Variants in KSR1 observed in about 807,000 individuals in gnomAD.
The protein encoded by KSR1 is kinase suppressor of ras 1, also known as kinase suppressor of ras.
Under a neutral mutation model 92.9 loss-of-function variants are expected in KSR1, and 35 were observed. The observed-to-expected ratio is 0.38, with a 90% CI of 0.29 to 0.50. The LOEUF is 0.50. Ranked by LOEUF, KSR1 falls within the 20% of genes least tolerant of loss-of-function variation. The pLI, the probability that KSR1 is intolerant of heterozygous loss-of-function variation, is 0.94. For synonymous variants in KSR1, 467 were observed against 472.6 expected (o/e 0.99, Z 0.15); for missense variants, 972 against 1,158.5 (o/e 0.84, Z 2.34).
intron 1 of KSR1, among the ~76,000 whole-genome samples, chr17:27,541,394 A>G (rs2070957709): frequency 6.6e-6 from 1 of 152,236 alleles, no homozygotes; most frequent in African/African-American, 2.4e-5. Context: ...AATGAATTTA[A>G]TGCTGGCTTA....
chr17:27,595,714 T>A (rs1196040735), intron 9 of KSR1, among the ~76,000 whole-genome samples: 1 of 145,048 alleles, frequency 6.9e-6, no homozygotes, highest in African/African-American at 2.6e-5. Flanking sequence ...TTTGCCCCCC[T>A]TTTCCATTTC....
At chr17:27,601,306 C>G (rs2073548555) in intron 10 of KSR1, 54 bp from the exon 11 acceptor site, 2 of 1,510,434 alleles carry the variant, frequency 1.3e-6, no homozygotes, top group South Asian at 2.3e-5. Context: ...TTCCGCTCCT[C>G]CCTCCTGCGT....
intron 1 of KSR1, among the ~76,000 whole-genome samples, chr17:27,464,798 CT>C (rs1374448519): frequency 6.6e-6 from 1 of 151,460 alleles, no homozygotes. Flanking sequence ...TGTAAAAATT[CT>C]TTACAATTGC....
At chr17:27,555,217 G>C (rs1433564389) in intron 2 of KSR1, among the ~76,000 whole-genome samples, 1 of 152,186 alleles carries the variant, frequency 6.6e-6, no homozygotes, top group Non-Finnish European at 1.5e-5. Context: ...CCTCCCTTAG[G>C]ATTGGGGGGT....
chr17:27,481,261 G>T (rs1171682689), intron 1 of KSR1, among the ~76,000 whole-genome samples: 1 of 152,058 alleles, frequency 6.6e-6, no homozygotes. Context: ...GCTAGGTTGG[G>T]AGGCTGTAGA....
At chr17:27,573,800 T>C (rs1475094383) in intron 2 of KSR1, among the ~76,000 whole-genome samples, 1 of 152,194 alleles carries the variant, frequency 6.6e-6, no homozygotes, top group Non-Finnish European at 1.5e-5. Context: ...CTCAGTAAGA[T>C]GGACTTAACT....
intron 1 of KSR1, among the ~76,000 whole-genome samples, chr17:27,464,481 C>G (rs1182133015): frequency 2.6e-5 from 4 of 152,094 alleles, no homozygotes; most frequent in Non-Finnish European, 4.4e-5. Flanking sequence ...TGGCTCACAC[C>G]TGTAATCCTA....
At chr17:27,535,257 A>C (rs1231699095) in intron 1 of KSR1, among the ~76,000 whole-genome samples, 1 of 152,200 alleles carries the variant, frequency 6.6e-6, no homozygotes, top group Admixed American at 6.5e-5. Context: ...TGAGGATCAG[A>C]TGAGGTGCTG....
rs1597853426 is a variant in KSR1, at chr17:27,482,045, G to A, written c.231+25171G>A. On this transcript the variant is annotated intron_variant, in intron 1 of 20. Transcript: ENST00000644974. ...CTCTGAATGTTTTTGAGGGTTAAAT[G>A]TTATAGCGCATGCCAGCTGCTTAGT... Among the ~76,000 whole-genome samples, 4 of 152,278 alleles carry A rather than the reference G, an allele frequency of 2.6e-5. No individual in the cohort carries two copies. The East Asian group carries it at 7.7e-4, about 29-fold the overall frequency.
chr17:27,547,717 T>G (rs751137756), intron 1 of KSR1, among the ~76,000 whole-genome samples: 9 of 152,028 alleles, frequency 5.9e-5, no homozygotes, highest in Non-Finnish European at 8.8e-5. Context: ...TATATTTTTC[T>G]TTTTTTTCTT....
intron 1 of KSR1, among the ~76,000 whole-genome samples, chr17:27,493,298 T>C (rs1419791346): frequency 6.6e-6 from 1 of 152,228 alleles, no homozygotes; most frequent in Non-Finnish European, 1.5e-5. Context: ...CAGTCTTAGT[T>C]ATTAATGTAA....
intron 10 of KSR1, among the ~76,000 whole-genome samples, chr17:27,600,060 A>G (rs1016409163): frequency 7.3e-5 from 11 of 151,126 alleles, no homozygotes; most frequent in African/African-American, 2.4e-4. Flanking sequence ...TACCTCCTGA[A>G]GGACCTGCCT....
At chr17:27,596,457 G>A (rs757999085) in intron 9 of KSR1, among the ~76,000 whole-genome samples, 6 of 152,210 alleles carry the variant, frequency 3.9e-5, no homozygotes, top group Admixed American at 6.5e-5. Flanking sequence ...CATTAGCAGG[G>A]GGAGCATGCT....
chr17:27,584,818 G>C (rs1427037040), intron 4 of KSR1, among the ~76,000 whole-genome samples: 1 of 152,202 alleles, frequency 6.6e-6, no homozygotes, highest in African/African-American at 2.4e-5. Context: ...AGGGGCAGTG[G>C]CTGCCCCCTG....
intron 1 of KSR1, among the ~76,000 whole-genome samples, chr17:27,462,076 G>T (rs1426387574): frequency 3.3e-5 from 5 of 152,204 alleles, no homozygotes; most frequent in Non-Finnish European, 1.5e-5. Context: ...TTAGGGGAAT[G>T]ATCTTGGAGT....
chr17:27,462,762 T>G (rs891383234), intron 1 of KSR1, among the ~76,000 whole-genome samples: 1 of 152,250 alleles, frequency 6.6e-6, no homozygotes, highest in African/African-American at 2.4e-5. Flanking sequence ...ACAGTGAAAA[T>G]CACCCATAAT....
Position 27,588,549 on chromosome 17 carries a change from G to A in KSR1, c.1046+14G>A. ...GGTGACGCACAGGTAGGCACAGCGGGCCTGGAGGGGGAGCAGGGCACAGCC... is the reference window on the plus strand; with the variant it reads ...GGTGACGCACAGGTAGGCACAGCGGACCTGGAGGGGGAGCAGGGCACAGCC... On this transcript the variant is annotated intron_variant, in intron 6 of 20. Transcript: ENST00000644974. The A allele has an allele frequency of 6.3e-7, 1 of 1,584,206 alleles. No individual in the cohort carries two copies. Among genetic ancestry groups the A allele is most frequent in the Non-Finnish European group, 8.6e-7 (1 of 1,165,654 alleles).
chr17:27,588,584 C>A (rs756508044), intron 6 of KSR1, 49 bp downstream of exon 6: 1 of 1,506,394 alleles, frequency 6.6e-7, no homozygotes, highest in South Asian at 1.3e-5. Flanking sequence ...CGGGCTGGTA[C>A]CCAGATGGGG....
rs780065026 is a variant in KSR1, at chr17:27,583,073, G to T, written c.948G>T (p.Leu316=). 1.1e-4 allele frequency: 171 copies of T among 1,590,116 alleles called. No homozygotes were observed. The highest frequency in any genetic ancestry group is 1.7e-4 in the Middle Eastern group (1 of 5,920). Reference sequence around the variant, plus strand: ...GGAGCAAGTCCCATGAGTCTCAGCTGGGGAACCGCATTGATGACGTCTCCT... The same window carrying T: ...GGAGCAAGTCCCATGAGTCTCAGCTTGGGAACCGCATTGATGACGTCTCCT... The part of the protein sequence containing the change: ...LTRSKSHESQ[L]GNRIDDVSSM... Residue 316 remains leucine, a synonymous_variant, in exon 4 of 21, where the codon CTG becomes CTT. Transcript: ENST00000644974.
Sources: allele counts gnomAD v4.1 joint callset (sites outside exome capture counted in the v4.1 genomes callset), GRCh38; gene constraint gnomAD v4.1.1; transcripts MANE v1.5; gene names NCBI Gene and HGNC (gene_info 2026-07-23, HGNC 2026-07-21).